Variants in PTPRN2 observed in about 807,000 individuals in gnomAD.
PTPRN2 encodes the protein protein tyrosine phosphatase receptor type N2.
PTPRN2 carries 74 observed loss-of-function variants against 118.8 expected under a neutral mutation model. That is an observed-to-expected ratio of 0.62 (90% confidence interval 0.52 to 0.76). The LOEUF is 0.76. PTPRN2 is among the 30% of genes least tolerant of loss of function. The probability of loss-of-function intolerance (pLI) is 0.00; values close to 1 mark genes in which losing one functional copy is unlikely to be tolerated. For missense variants in PTPRN2, 1,481 were observed against 1,394.4 expected (o/e 1.06, Z -0.99); for synonymous variants, 641 against 608.0 (o/e 1.05, Z -0.80).
At chr7:158,457,408 C>T (rs28450027) in intron 2 of PTPRN2, among the ~76,000 whole-genome samples, 35,379 of 152,116 alleles carry the variant, frequency 0.23, 4,485 homozygotes, top group East Asian at 0.36. Flanking sequence ...AAGCAGACAC[C>T]ACTAGCCCTG....
intron 13 of PTPRN2, among the ~76,000 whole-genome samples, chr7:157,670,275 CGA>C (rs981020579): frequency 6.6e-6 from 1 of 152,126 alleles, no homozygotes; most frequent in African/African-American, 2.4e-5. Context: ...CAGCTGCATC[CGA>C]GAGTGACCGA....
At chr7:158,042,777 G>T (rs551566576) in intron 11 of PTPRN2, among the ~76,000 whole-genome samples, 2 of 152,212 alleles carry the variant, frequency 1.3e-5, no homozygotes, top group African/African-American at 2.4e-5. Context: ...AGCATCTGCT[G>T]CCCACTGTGC....
At chr7:157,713,054 C>T (rs568489147) in intron 12 of PTPRN2, among the ~76,000 whole-genome samples, 28 of 152,328 alleles carry the variant, frequency 1.8e-4, no homozygotes, top group African/African-American at 6.5e-4. Flanking sequence ...TGGCTGTGGG[C>T]GGGATTGTTC....
At chr7:157,891,128 T>C (rs1796775727) in intron 12 of PTPRN2, among the ~76,000 whole-genome samples, 1 of 152,168 alleles carries the variant, frequency 6.6e-6, no homozygotes, top group Admixed American at 6.5e-5. Flanking sequence ...AATCTGCATC[T>C]TGACAAGACC....
chr7:157,688,825 T>G (rs1033714078), intron 12 of PTPRN2, among the ~76,000 whole-genome samples: 1 of 152,082 alleles, frequency 6.6e-6, no homozygotes, highest in Non-Finnish European at 1.5e-5. Flanking sequence ...CTGCCTGGGC[T>G]TTCTCCCCCG....
At position 158,402,020 on chromosome 7, in the gene PTPRN2, G is replaced by A. The variant is rs1404304262; in HGVS notation, c.164-85088C>T. ...GGTGGGAAACGGGGTGTGAAAGAGA[G>A]ATGAGGAAAGGGGGTCTGACCGGTG... On this transcript the variant is annotated intron_variant, in intron 2 of 22. Coordinates refer to ENST00000389418, the MANE Select transcript of PTPRN2 (RefSeq NM_002847.5). Among the ~76,000 whole-genome samples the A allele has an allele frequency of 2.0e-5, 3 of 152,222 alleles. No individual in the cohort carries two copies. In the East Asian group the frequency reaches 5.8e-4, roughly 29 times the overall value.
chr7:157,791,773 T>C (rs1404335833), intron 12 of PTPRN2, among the ~76,000 whole-genome samples: 1 of 152,212 alleles, frequency 6.6e-6, no homozygotes, highest in African/African-American at 2.4e-5. Context: ...ACACAAAGCG[T>C]TCTCCTAGGA....
At chr7:158,131,977 AAC>A (rs62640214) in intron 9 of PTPRN2, among the ~76,000 whole-genome samples, 40,470 of 150,092 alleles carry the variant, frequency 0.27, 5,530 homozygotes, top group South Asian at 0.4. Flanking sequence ...ACATCTACCC[AAC>A]ACACACACTC....
chr7:157,579,883 T>C (rs1314730269), intron 17 of PTPRN2, among the ~76,000 whole-genome samples: 31 of 152,230 alleles, frequency 2.0e-4, no homozygotes. Context: ...ACTGATTACA[T>C]TATCTTGTGT....
chr7:158,080,254 C>T (rs1290008594), intron 11 of PTPRN2, among the ~76,000 whole-genome samples: 2 of 130,422 alleles, frequency 1.5e-5, no homozygotes, highest in African/African-American at 3.0e-5. Context: ...ATTGAAATCC[C>T]GAAATAAACC....
chr7:157,906,758 C>T (rs1174189041), intron 11 of PTPRN2, among the ~76,000 whole-genome samples: 1 of 152,116 alleles, frequency 6.6e-6, no homozygotes. Flanking sequence ...GGACCACGGG[C>T]GGTGTGGAGG....
At chr7:158,046,057 C>A (rs1272053095) in intron 11 of PTPRN2, among the ~76,000 whole-genome samples, 1 of 144,706 alleles carries the variant, frequency 6.9e-6, no homozygotes, top group Non-Finnish European at 1.5e-5. Flanking sequence ...ATCCTGGCGT[C>A]CTGACACTGC....
chr7:158,114,206 C>T (rs1364141427), intron 9 of PTPRN2, among the ~76,000 whole-genome samples: 2 of 152,206 alleles, frequency 1.3e-5, no homozygotes, highest in African/African-American at 4.8e-5. Flanking sequence ...GGCTCTGGGA[C>T]CTGAGTGGGC....
chr7:158,325,811 C>G (rs538060494), intron 2 of PTPRN2, among the ~76,000 whole-genome samples: 2 of 152,362 alleles, frequency 1.3e-5, no homozygotes, highest in Admixed American at 6.5e-5. Flanking sequence ...AGAATCGTCA[C>G]AAAGCCATCG....
At chr7:157,561,411 G>A (rs571243084) in intron 21 of PTPRN2, among the ~76,000 whole-genome samples, 2 of 152,352 alleles carry the variant, frequency 1.3e-5, no homozygotes, top group Admixed American at 6.5e-5. Context: ...TTCCATGAGA[G>A]CCCCAAAGGA....
intron 11 of PTPRN2, among the ~76,000 whole-genome samples, chr7:157,999,823 T>C (rs1367600696): frequency 6.6e-6 from 1 of 152,206 alleles, no homozygotes; most frequent in Non-Finnish European, 1.5e-5. Flanking sequence ...ATACCACACT[T>C]GATCTCAGAT....
chr7:158,346,061 G>C (rs1807489627), intron 2 of PTPRN2, among the ~76,000 whole-genome samples: 1 of 152,156 alleles, frequency 6.6e-6, no homozygotes, highest in African/African-American at 2.4e-5. Flanking sequence ...CATATCAATG[G>C]GTACAAGGCA....
At chr7:158,358,266 G>A (rs972462738) in intron 2 of PTPRN2, among the ~76,000 whole-genome samples, 1 of 152,176 alleles carries the variant, frequency 6.6e-6, no homozygotes, top group Non-Finnish European at 1.5e-5. Flanking sequence ...GGCGTGGGCT[G>A]AGGTAGCCAT....
At chr7:157,980,879 A>G (rs969194850) in intron 11 of PTPRN2, among the ~76,000 whole-genome samples, 1 of 152,228 alleles carries the variant, frequency 6.6e-6, no homozygotes, top group African/African-American at 2.4e-5. Flanking sequence ...AAGTGACATG[A>G]TCAGCCAGTT....
Sources: allele counts gnomAD v4.1 joint callset (sites outside exome capture counted in the v4.1 genomes callset), GRCh38; gene constraint gnomAD v4.1.1; transcripts MANE v1.5; gene names NCBI Gene and HGNC (gene_info 2026-07-23, HGNC 2026-07-21).